Variants in CDYL observed in about 807,000 individuals in gnomAD.
CDYL encodes the protein chromodomain Y like, also known as chromodomain Y-like protein.
In CDYL, 8 loss-of-function variants were observed where a neutral mutation model predicts 47.3. The ratio of observed to expected loss-of-function variants is 0.17; its 90% CI spans 0.10 to 0.31. The LOEUF is 0.31. Ranked by LOEUF, CDYL falls within the 10% of genes least tolerant of loss-of-function variation. CDYL has a pLI of 1.00. For missense variants in CDYL, 471 were observed against 701.4 expected (o/e 0.67, Z 3.71); for synonymous variants, 266 against 265.0 (o/e 1.00, Z -0.04).
chr6:4,878,507 T>A (rs2127476790), intron 1 of CDYL, among the ~76,000 whole-genome samples: 1 of 152,146 alleles, frequency 6.6e-6, no homozygotes, highest in South Asian at 2.1e-4. Flanking sequence ...TGTTTCATCT[T>A]GGTGTCAGTT....
intron 2 of CDYL, among the ~76,000 whole-genome samples, chr6:4,921,621 C>T (rs1757719435): frequency 6.6e-6 from 1 of 152,140 alleles, no homozygotes; most frequent in Non-Finnish European, 1.5e-5. Context: ...CCAATGCCTC[C>T]ACCTTTGTGT....
chr6:4,741,414 T>C (rs1757795065), intron 3 of CDYL, among the ~76,000 whole-genome samples: 1 of 152,218 alleles, frequency 6.6e-6, no homozygotes, highest in Non-Finnish European at 1.5e-5. Flanking sequence ...ATTTCATTTT[T>C]CTCTCAGTTA....
At chr6:4,756,602 G>GTGTGTGTGTT (rs1758079742) in intron 3 of CDYL, among the ~76,000 whole-genome samples, 1 of 151,890 alleles carries the variant, frequency 6.6e-6, no homozygotes, top group Admixed American at 6.6e-5. Flanking sequence ...GTGTGTGTGT[G>GTGTGTGTGTT]TGTGTGTGTG....
intron 2 of CDYL, among the ~76,000 whole-genome samples, chr6:4,928,327 G>C (rs558728048): frequency 3.3e-5 from 5 of 152,184 alleles, no homozygotes; most frequent in African/African-American, 1.2e-4. Flanking sequence ...TTTTCTGTTT[G>C]TTTATTCCAT....
chr6:4,937,851 T>C, intron 4 of CDYL, 114 bp downstream of exon 4: 1 of 745,492 alleles, frequency 1.3e-6, no homozygotes, highest in South Asian at 2.0e-5. Flanking sequence ...TCTTCTCCCA[T>C]GGAGAGACAC....
At chr6:4,889,263 C>T (rs1379392888) in intron 1 of CDYL, among the ~76,000 whole-genome samples, 3 of 151,582 alleles carry the variant, frequency 2.0e-5, no homozygotes, top group African/African-American at 4.9e-5. Context: ...CTTGCACTGT[C>T]GCCCAGGCTG....
chr6:4,897,790 G>GTTTTTTTTT (rs375666284), intron 2 of CDYL, among the ~76,000 whole-genome samples: 9 of 140,258 alleles, frequency 6.4e-5, no homozygotes, highest in East Asian at 2.0e-4. Flanking sequence ...GAAGGTTTTT[G>GTTTTTTTTT]TTTTTTTTTT....
chr6:4,833,144 A>G (rs1220241506), intron 1 of CDYL, among the ~76,000 whole-genome samples: 1 of 143,584 alleles, frequency 7.0e-6, no homozygotes, highest in Non-Finnish European at 1.5e-5. Context: ...TTGCTTTTCT[A>G]GTTCTTTTAA....
At chr6:4,758,947 C>T (rs1018316471) in intron 3 of CDYL, among the ~76,000 whole-genome samples, 14 of 150,486 alleles carry the variant, frequency 9.3e-5, no homozygotes, top group Non-Finnish European at 5.9e-5. Context: ...CTTTCTACCT[C>T]AATCACCCAG....
At chr6:4,759,950 G>C (rs377652149) in intron 3 of CDYL, among the ~76,000 whole-genome samples, 1 of 74,510 alleles carries the variant, frequency 1.3e-5, no homozygotes, top group South Asian at 4.3e-4. Context: ...AGAAAAGAAA[G>C]AAAGAAAAAA....
At chr6:4,775,896 G>T (rs1487999817), upstream of CDYL, among the ~76,000 whole-genome samples, 1 of 150,480 alleles carries the variant, frequency 6.6e-6, no homozygotes, top group African/African-American at 2.4e-5. This position sits in a 1 kb window ranked among gnomAD's most constrained non-coding sequence, Gnocchi z 7.0. Flanking sequence ...GAGGCGCGCG[G>T]TAGACGGCGC....
At chr6:4,889,320 T>C (rs1048183508) in intron 1 of CDYL, among the ~76,000 whole-genome samples, 1 of 151,902 alleles carries the variant, frequency 6.6e-6, no homozygotes, top group Non-Finnish European at 1.5e-5. Flanking sequence ...CACCTCCTGG[T>C]TCAAGCAATT....
At chr6:4,842,837 T>C (rs1760541403) in intron 1 of CDYL, among the ~76,000 whole-genome samples, 1 of 152,210 alleles carries the variant, frequency 6.6e-6, no homozygotes, top group Admixed American at 6.5e-5. Context: ...GTGGGTTTTT[T>C]TTTCCATTAT....
At chr6:4,944,500 C>G (rs529649109) in intron 5 of CDYL, among the ~76,000 whole-genome samples, 1 of 152,200 alleles carries the variant, frequency 6.6e-6, no homozygotes, top group African/African-American at 2.4e-5. Context: ...GCCCTGTGGC[C>G]GTCTGCTAAC....
At chr6:4,783,143 G>T (rs930139202) in intron 1 of CDYL, among the ~76,000 whole-genome samples, 8 of 143,040 alleles carry the variant, frequency 5.6e-5, no homozygotes, top group Admixed American at 6.8e-5. Flanking sequence ...TCTTCAATCA[G>T]ATCGTCCATC....
chr6:4,776,861 C>A (rs1331536989), intron 1 of CDYL, 54 bp downstream of exon 1: 36 of 774,000 alleles, frequency 4.7e-5, no homozygotes, highest in Admixed American at 6.9e-5. Context: ...CCCCTCCCGG[C>A]CCGGCCGCGC....
At chr6:4,842,249 T>TA (rs999835981) in intron 1 of CDYL, among the ~76,000 whole-genome samples, 1 of 145,294 alleles carries the variant, frequency 6.9e-6, no homozygotes, top group African/African-American at 2.5e-5. Flanking sequence ...TTAATATAAA[T>TA]AAAAATAAAT....
chr6:4,885,912 C>T (rs1284948752), intron 1 of CDYL, among the ~76,000 whole-genome samples: 2 of 152,146 alleles, frequency 1.3e-5, no homozygotes, highest in African/African-American at 4.8e-5. Flanking sequence ...CTATTTACCC[C>T]TGTTACCTTC....
intron 1 of CDYL, among the ~76,000 whole-genome samples, chr6:4,850,918 T>A (rs1346364600): frequency 6.6e-6 from 1 of 152,208 alleles, no homozygotes; most frequent in African/African-American, 2.4e-5. Flanking sequence ...CCAGGAGTAC[T>A]GCTCATTTTT....
Sources: allele counts gnomAD v4.1 joint callset (sites outside exome capture counted in the v4.1 genomes callset), GRCh38; gene constraint gnomAD v4.1.1; non-coding constraint Gnocchi (gnomAD v3.1); transcripts MANE v1.5; gene names NCBI Gene and HGNC (gene_info 2026-07-23, HGNC 2026-07-21).